Variants in SLC24A3 observed in about 807,000 individuals in gnomAD.
SLC24A3 encodes the protein sodium/potassium/calcium exchanger 3.
SLC24A3 carries 28 observed loss-of-function variants against 75.8 expected under a neutral mutation model. The ratio of observed to expected loss-of-function variants is 0.37; its 90% CI spans 0.27 to 0.51. The LOEUF (loss-of-function observed/expected upper bound fraction) is 0.51. Among genes scored for constraint, SLC24A3 ranks in the 20% least tolerant of loss-of-function variants. The probability of loss-of-function intolerance (pLI) is 0.94; values close to 1 mark genes in which losing one functional copy is unlikely to be tolerated. For synonymous variants in SLC24A3, 372 were observed against 334.1 expected, an observed-to-expected ratio of 1.11 and a Z score of -1.24; for missense variants, 663 against 847.8, an observed-to-expected ratio of 0.78 and a Z score of 2.71.
intron 1 of SLC24A3, among the ~76,000 whole-genome samples, chr20:19,241,619 AAAGCCAGCATTGAC>A (rs2122164851): frequency 6.6e-6 from 1 of 152,342 alleles, no homozygotes; most frequent in Admixed American, 6.5e-5. Flanking sequence ...GGCGTTTCCC[AAAGCCAGCATTGAC>A]AAGTAGATAA....
intron 2 of SLC24A3, among the ~76,000 whole-genome samples, chr20:19,499,461 A>G (rs1988352486): frequency 6.6e-6 from 1 of 152,134 alleles, no homozygotes; most frequent in East Asian, 1.9e-4. Context: ...AAACTCTCTC[A>G]TGACTCTTCT....
intron 2 of SLC24A3, among the ~76,000 whole-genome samples, chr20:19,499,128 A>G (rs1988345652): frequency 6.6e-6 from 1 of 152,230 alleles, no homozygotes; most frequent in Admixed American, 6.5e-5. Flanking sequence ...GCAGCCAAGT[A>G]AAGACCACCT....
At chr20:19,272,422 T>C (rs143405760) in intron 1 of SLC24A3, among the ~76,000 whole-genome samples, 392 of 152,366 alleles carry the variant, frequency 2.6e-3, no homozygotes, top group Non-Finnish European at 3.9e-3. Flanking sequence ...AAGCACAGGC[T>C]GTCAGGCTTC....
intron 3 of SLC24A3, among the ~76,000 whole-genome samples, chr20:19,537,053 G>T (rs1335335837): frequency 2.0e-5 from 3 of 152,178 alleles, no homozygotes; most frequent in African/African-American, 7.2e-5. Flanking sequence ...AAGAGCTTCT[G>T]CACAGCAAAA....
rs1261509397 is a variant in SLC24A3 at position 19,717,533 on chromosome 20, G to A, written c.1725G>A (p.Arg575=). The stretch of plus-strand genomic sequence containing the variant: ...ACTCTAACCCTCTCTTACAGATCCG[G>A]CTGAATAGCAGGGGGCTGATCTACT... ...TLAVDYGSYI[R]LNSRGLIYSV... Residue 575 remains arginine, a synonymous_variant, in exon 16 of 17, where the codon CGG becomes CGA. Transcript: ENST00000328041. The A allele has an allele frequency of 1.2e-6, 2 of 1,613,878 alleles. No individual in the cohort carries two copies. The highest frequency in any genetic ancestry group is 1.3e-5 in the African/African-American group (1 of 74,920).
chr20:19,602,898 A>G (rs562681216), intron 6 of SLC24A3, among the ~76,000 whole-genome samples: 2 of 152,296 alleles, frequency 1.3e-5, no homozygotes, highest in South Asian at 4.1e-4. Context: ...CTCTGCTACC[A>G]CTGGAGGCAT....
At chr20:19,223,996 T>A (rs1981804189) in intron 1 of SLC24A3, among the ~76,000 whole-genome samples, 1 of 152,198 alleles carries the variant, frequency 6.6e-6, no homozygotes, top group African/African-American at 2.4e-5. Flanking sequence ...AACTTAGGTA[T>A]TGCTTACTTC....
At chr20:19,633,635 C>T (rs941507390) in intron 6 of SLC24A3, among the ~76,000 whole-genome samples, 5 of 114,296 alleles carry the variant, frequency 4.4e-5, no homozygotes, top group African/African-American at 1.7e-4. Context: ...GGCGACAGAG[C>T]GAGACTCCGT....
At chr20:19,213,345 C>G (rs964368154) in intron 1 of SLC24A3, 1 of 159,034 alleles carries the variant, frequency 6.3e-6, no homozygotes, top group Non-Finnish European at 1.4e-5. Flanking sequence ...GTGGTAGACC[C>G]GGCACCTGTG....
rs184774855 is a variant in SLC24A3, at chr20:19,662,669, T to C, written c.688-3195T>C. On this transcript the variant is annotated intron_variant, in intron 7 of 16. Transcript: ENST00000328041. ...AAGTTTTCTTCTACACTAGTAATAC[T>C]TATCTAAGGGATGGGGGATGTTGCT... Among the ~76,000 whole-genome samples the C allele has an allele frequency of 2.6e-3, 394 of 152,370 alleles. 2 individuals carry two copies. The highest frequency in any genetic ancestry group is 9.2e-3 in the African/African-American group (381 of 41,590).
intron 2 of SLC24A3, among the ~76,000 whole-genome samples, chr20:19,394,638 T>G (rs922281464): frequency 1.3e-5 from 2 of 152,150 alleles, no homozygotes; most frequent in Non-Finnish European, 2.9e-5. Flanking sequence ...ACTAGGGAAA[T>G]GCAGATCAAA....
intron 9 of SLC24A3, among the ~76,000 whole-genome samples, chr20:19,680,789 G>C (rs566780632): frequency 6.6e-6 from 1 of 152,272 alleles, no homozygotes; most frequent in East Asian, 1.9e-4. Flanking sequence ...GAAGAATCAG[G>C]CACAAAGGAG....
intron 2 of SLC24A3, among the ~76,000 whole-genome samples, chr20:19,402,350 G>A (rs1351421713): frequency 6.6e-6 from 1 of 152,212 alleles, no homozygotes; most frequent in African/African-American, 2.4e-5. Context: ...AGTGAAGGAT[G>A]AATGGAGATA....
intron 2 of SLC24A3, among the ~76,000 whole-genome samples, chr20:19,321,196 G>C (rs1008116640): frequency 6.6e-6 from 1 of 152,126 alleles, no homozygotes; most frequent in African/African-American, 2.4e-5. Flanking sequence ...ACTTCAGCCT[G>C]ATCTAGAAAC....
chr20:19,578,875 T>A (rs1393704364), intron 3 of SLC24A3, among the ~76,000 whole-genome samples: 1 of 152,110 alleles, frequency 6.6e-6, no homozygotes, highest in Non-Finnish European at 1.5e-5. Flanking sequence ...GCTTAGGTTT[T>A]TTCTGATTCA....
chr20:19,652,695 G>A (rs191451735), intron 6 of SLC24A3, among the ~76,000 whole-genome samples: 39 of 152,300 alleles, frequency 2.6e-4, no homozygotes, highest in African/African-American at 9.4e-4. Flanking sequence ...TTCATTTATG[G>A]TCCTATTTAA....
At chr20:19,230,338 TGA>T (rs1981984639) in intron 1 of SLC24A3, among the ~76,000 whole-genome samples, 1 of 152,160 alleles carries the variant, frequency 6.6e-6, no homozygotes, top group Non-Finnish European at 1.5e-5. Flanking sequence ...TCAGCTTGCC[TGA>T]GAGGGGATCT....
intron 12 of SLC24A3, among the ~76,000 whole-genome samples, chr20:19,691,757 G>A (rs2032748107): frequency 6.6e-6 from 1 of 152,146 alleles, no homozygotes; most frequent in East Asian, 1.9e-4. Context: ...TGACAGGAAC[G>A]ACTTGTGAGC....
At chr20:19,390,423 GTGCC>G (rs563244371) in intron 2 of SLC24A3, among the ~76,000 whole-genome samples, 98 of 152,240 alleles carry the variant, frequency 6.4e-4, no homozygotes, top group Non-Finnish European at 1.1e-3. Flanking sequence ...GGCTTGCCTG[GTGCC>G]TCATTCATCA....
Sources: allele counts gnomAD v4.1 joint callset (sites outside exome capture counted in the v4.1 genomes callset), GRCh38; gene constraint gnomAD v4.1.1; transcripts MANE v1.5; gene names NCBI Gene and HGNC (gene_info 2026-07-23, HGNC 2026-07-21).